Variants in VRK2 observed in about 807,000 individuals in gnomAD.
The protein encoded by VRK2 is serine/threonine-protein kinase VRK2.
In VRK2, 60 loss-of-function variants were observed where a neutral mutation model predicts 57.6. The ratio of observed to expected loss-of-function variants is 1.04; its 90% CI spans 0.85 to 1.29. The LOEUF (loss-of-function observed/expected upper bound fraction) is 1.29. Among genes scored for constraint, VRK2 ranks in the 50% most tolerant of loss-of-function variants. VRK2 has a pLI of 0.00. For synonymous variants in VRK2, 231 were observed against 199.2 expected, an observed-to-expected ratio of 1.16 and a Z score of -1.35; for missense variants, 705 against 588.1, an observed-to-expected ratio of 1.20 and a Z score of -2.06.
intron 7 of VRK2, among the ~76,000 whole-genome samples, chr2:58,122,830 T>G (rs76139524): frequency 0.01 from 1,538 of 152,224 alleles, 24 homozygotes; most frequent in African/African-American, 0.034. Flanking sequence ...GATGCCCACC[T>G]GGAGGGAAGG....
chr2:58,056,839 C>G (rs998926520), intron 2 of VRK2, among the ~76,000 whole-genome samples: 2 of 152,130 alleles, frequency 1.3e-5, no homozygotes, highest in Non-Finnish European at 2.9e-5. Context: ...AACAGCCAAA[C>G]AGCAGAATAC....
At chr2:58,077,579 A>G (rs758564215) in intron 2 of VRK2, among the ~76,000 whole-genome samples, 4 of 151,958 alleles carry the variant, frequency 2.6e-5, no homozygotes, top group Non-Finnish European at 5.9e-5. Flanking sequence ...TAGAAGTGTC[A>G]TCTGGCCCCC....
chr2:58,052,585 G>A (rs1318321409), intron 2 of VRK2, among the ~76,000 whole-genome samples: 5 of 148,418 alleles, frequency 3.4e-5, no homozygotes, highest in East Asian at 3.9e-4. Context: ...CTTAGGTGAC[G>A]GAGTGAGACT....
In VRK2 at chr2:58,137,058, T is replaced by C. The variant is rs1266195246; in HGVS notation, c.856+1859T>C. Among the ~76,000 whole-genome samples the C allele has an allele frequency of 2.4e-5, 3 of 122,464 alleles. No homozygotes were observed. The East Asian group carries it at 6.5e-4, about 27-fold the overall frequency. 80.3% of individuals were successfully genotyped at this position (122,464 alleles called of 152,430 possible). On this transcript the variant is annotated intron_variant, in intron 10 of 12. Coordinates refer to ENST00000340157, the MANE Select transcript of VRK2 (RefSeq NM_006296.7). ...ATATCATATATAATATATATGTGTA[T>C]ATATCATATATCATATATAACATAT...
intron 1 of VRK2, among the ~76,000 whole-genome samples, chr2:57,942,316 T>C (rs1371830655): frequency 6.6e-6 from 1 of 152,214 alleles, no homozygotes; most frequent in African/African-American, 2.4e-5. Flanking sequence ...AATTTGTGTA[T>C]AAAAATTATG....
At chr2:57,996,528 C>T (rs143396840) in intron 1 of VRK2, among the ~76,000 whole-genome samples, 122 of 152,246 alleles carry the variant, frequency 8.0e-4, no homozygotes, top group African/African-American at 2.8e-3. Context: ...GTCAAACATG[C>T]GCAGTCAACC....
At chr2:57,924,940 T>C (rs2717011) in intron 1 of VRK2, among the ~76,000 whole-genome samples, 105,452 of 151,794 alleles carry the variant, frequency 0.69, 38,148 homozygotes, top group African/African-American at 0.92. Flanking sequence ...TATTATCAAA[T>C]GCATTTTCAG....
Position 58,084,946 on chromosome 2 carries a change from C to G in VRK2, c.252C>G (p.Asp84Glu), listed in dbSNP as rs767781504. The G allele has an allele frequency of 6.3e-7, 1 of 1,582,672 alleles. No homozygotes were observed. Among genetic ancestry groups the G allele is most frequent in the Non-Finnish European group, 8.6e-7 (1 of 1,164,656 alleles). The change falls in exon 4 of 13, where the codon GAC becomes GAG. Residue 84 changes from aspartate to glutamate, a missense_variant. Physicochemically the swap from Asp to Glu is conservative, Grantham distance 45. Transcript: ENST00000340157. ...LKFYQRVAKK[D>E]CIKKWIERKQ... ...TTTATCAGAGAGTTGCAAAAAAAGACTGTAGTAAGTAAAATTAGCAAAGCA... is the reference window on the plus strand; with the variant it reads ...TTTATCAGAGAGTTGCAAAAAAAGAGTGTAGTAAGTAAAATTAGCAAAGCA...
Position 57,973,996 on chromosome 2 carries a change from T to A in VRK2, c.-438-51669T>A, listed in dbSNP as rs116766502. Among the ~76,000 whole-genome samples, 1,506 of 151,722 alleles carry A rather than the reference T, an allele frequency of 9.9e-3. 27 individuals are homozygous for A. The highest frequency in any genetic ancestry group is 0.034 in the African/African-American group (1,427 of 41,422). On this transcript the variant is annotated intron_variant, in intron 1 of 15. Transcript: ENST00000417641. ...GAGAAGCCAGATGCCAAAAACAAACTGTAAGGTGGAAGGTGAGGAGGTAGA... is the reference window on the plus strand; with the variant it reads ...GAGAAGCCAGATGCCAAAAACAAACAGTAAGGTGGAAGGTGAGGAGGTAGA...
chr2:58,148,960 G>A (rs1247068576), intron 12 of VRK2, among the ~76,000 whole-genome samples: 1 of 151,700 alleles, frequency 6.6e-6, no homozygotes, highest in Non-Finnish European at 1.5e-5. Flanking sequence ...TTTCAAAAAT[G>A]TATTGGCCAT....
intron 2 of VRK2, among the ~76,000 whole-genome samples, chr2:58,065,457 G>A (rs1668478719): frequency 6.6e-6 from 1 of 152,032 alleles, no homozygotes; most frequent in African/African-American, 2.4e-5. Flanking sequence ...GTGTGTGTCA[G>A]CAGTTTTTTA....
At chr2:58,009,329 T>C (rs1419539950) in intron 1 of VRK2, among the ~76,000 whole-genome samples, 1 of 151,864 alleles carries the variant, frequency 6.6e-6, no homozygotes, top group Non-Finnish European at 1.5e-5. Flanking sequence ...AATAAACTAG[T>C]GTCTGAGAAA....
At chr2:58,063,285 C>CA (rs2103914670) in intron 2 of VRK2, among the ~76,000 whole-genome samples, 1 of 147,950 alleles carries the variant, frequency 6.8e-6, no homozygotes, top group Non-Finnish European at 1.5e-5. Flanking sequence ...AACTGTCCCT[C>CA]ACCTATTTTG....
chr2:58,136,362 C>T (rs1053343473), intron 10 of VRK2, among the ~76,000 whole-genome samples: 2 of 151,630 alleles, frequency 1.3e-5, no homozygotes, highest in Admixed American at 6.6e-5. Context: ...TGGCAGTACT[C>T]CTTTATGGCT....
intron 1 of VRK2, among the ~76,000 whole-genome samples, chr2:57,947,752 G>A (rs1671305782): frequency 1.3e-5 from 2 of 152,152 alleles, no homozygotes; most frequent in East Asian, 1.9e-4. Flanking sequence ...AGCCCTGTAT[G>A]TTGGTAGTCT....
At chr2:58,062,466 C>T (rs942555209) in intron 2 of VRK2, among the ~76,000 whole-genome samples, 5 of 152,038 alleles carry the variant, frequency 3.3e-5, no homozygotes, top group Admixed American at 6.6e-5. Flanking sequence ...GAAGGCATGT[C>T]GAAAGCTCAG....
At chr2:58,013,688 T>C (rs1048043333) in intron 1 of VRK2, among the ~76,000 whole-genome samples, 42 of 150,442 alleles carry the variant, frequency 2.8e-4, no homozygotes, top group African/African-American at 9.0e-4. Flanking sequence ...TGAAACCCCG[T>C]CTCTACTAAA....
chr2:58,109,896 C>T (rs930379691), intron 7 of VRK2, among the ~76,000 whole-genome samples: 1 of 152,092 alleles, frequency 6.6e-6, no homozygotes, highest in East Asian at 1.9e-4. Context: ...TGGGGTCTTA[C>T]TCTGTTGCCC....
chr2:57,944,149 G>A (rs957362721), intron 1 of VRK2, among the ~76,000 whole-genome samples: 3 of 152,222 alleles, frequency 2.0e-5, no homozygotes, highest in African/African-American at 4.8e-5. Context: ...CTTTGCCATT[G>A]TTAATGCTCA....
Sources: gnomAD v4.1 joint callset for allele counts (sites outside exome capture counted in the v4.1 genomes callset) on GRCh38, gnomAD v4.1.1 for gene constraint, MANE v1.5 for transcripts, NCBI Gene and HGNC (gene_info 2026-07-23, HGNC 2026-07-21) for gene names.